Variants in SNRK observed in about 807,000 individuals in gnomAD.
SNRK encodes the protein SNF-related serine/threonine-protein kinase.
Under a neutral mutation model 48.2 loss-of-function variants are expected in SNRK, and 3 were observed. The ratio of observed to expected loss-of-function variants is 0.06; its 90% CI spans 0.03 to 0.16. SNRK has a LOEUF of 0.16. Ranked by LOEUF, SNRK falls within the 10% of genes least tolerant of loss-of-function variation. The probability of loss-of-function intolerance (pLI) is 1.00; values close to 1 mark genes in which losing one functional copy is unlikely to be tolerated. For missense variants in SNRK, 627 were observed against 976.0 expected, an observed-to-expected ratio of 0.64 and a Z score of 4.76; for synonymous variants, 376 against 366.1, an observed-to-expected ratio of 1.03 and a Z score of -0.31.
intron 6 of SNRK, among the ~76,000 whole-genome samples, chr3:43,345,102 A>G (rs2091265469): frequency 6.6e-6 from 1 of 152,228 alleles, no homozygotes; most frequent in African/African-American, 2.4e-5. Flanking sequence ...AAAAATTAAA[A>G]ATAAAAAAAA....
rs2090883937 is a variant in SNRK, at chr3:43,299,643, T to C, written c.-168-111T>C. 2.0e-5 allele frequency: 3 copies of C among 152,676 alleles called. No homozygotes were observed. In the South Asian group the frequency reaches 6.2e-4, roughly 32 times the overall value. 9.5% of individuals were successfully genotyped at this position (152,676 alleles called of 1,614,324 possible). ...AGACTGGGTTACTAAAGACAAATTTTACTATTTTTATACATGTGTCTAGAT... is the reference window on the plus strand; with the variant it reads ...AGACTGGGTTACTAAAGACAAATTTCACTATTTTTATACATGTGTCTAGAT... On this transcript the variant is annotated intron_variant, in intron 1 of 6. Transcript: ENST00000296088.
In SNRK at chr3:43,347,416, C is replaced by T. The variant is rs774616197; in HGVS notation, c.1157C>T (p.Thr386Ile). ...DLTATPLSHA[T>I]VPQSPARAAD... ...ACGGCCACTCCTTTGTCCCACGCGACTGTCCCTCAGTCTCCTGCTCGGGCT... is the reference window on the plus strand; with the variant it reads ...ACGGCCACTCCTTTGTCCCACGCGATTGTCCCTCAGTCTCCTGCTCGGGCT... The change falls in exon 7 of 7, where the codon ACT (threonine) becomes ATT (isoleucine). Residue 386 changes from threonine (T) to isoleucine (I), a missense_variant. Transcript: ENST00000296088. The surrounding 1 kb of genome is among the most constrained non-coding windows in gnomAD (Gnocchi z 5.4). 2.2e-5 allele frequency: 35 copies of T among 1,613,778 alleles called. No homozygotes were observed. Among genetic ancestry groups the T allele is most frequent in the Non-Finnish European group, 2.7e-5 (32 of 1,179,900 alleles).
chr3:43,306,480 G>A (rs2090939024), intron 3 of SNRK, among the ~76,000 whole-genome samples: 1 of 152,036 alleles, frequency 6.6e-6, no homozygotes, highest in Non-Finnish European at 1.5e-5. Context: ...ATTTTCAAAA[G>A]ATCAGATTTG....
Position 43,303,599 on chromosome 3 carries a change from A to T in SNRK, c.396A>T (p.Lys132Asn). Residue 132 changes from lysine to asparagine, a missense_variant, in exon 3 of 7, where the codon AAA becomes AAT. Transcript: ENST00000296088. The surrounding 1 kb of genome is among the most constrained non-coding windows in gnomAD (Gnocchi z 6.2). ...TTCATGCTATATCTTATTGCCATAA[A>T]CTCCATGTGGTTCACAGAGACTTAA... is the stretch of plus-strand genomic sequence containing the variant. ...QIVHAISYCH[K>N]LHVVHRDLKP... 1.2e-6 allele frequency: 2 copies of T among 1,614,108 alleles called. No homozygotes were observed. Among genetic ancestry groups the T allele is most frequent in the Non-Finnish European group, 1.7e-6 (2 of 1,180,002 alleles).
intron 3 of SNRK, among the ~76,000 whole-genome samples, chr3:43,310,364 T>G (rs2090970674): frequency 6.6e-6 from 1 of 152,200 alleles, no homozygotes; most frequent in African/African-American, 2.4e-5. Context: ...GCGTCCACCT[T>G]TAATGTCTAG....
intron 3 of SNRK, among the ~76,000 whole-genome samples, chr3:43,331,697 C>T (rs756630103): frequency 1.3e-4 from 20 of 152,028 alleles, no homozygotes; most frequent in Non-Finnish European, 2.2e-4. Flanking sequence ...AATTTTCTTG[C>T]GTATAAAATG....
intron 6 of SNRK, among the ~76,000 whole-genome samples, chr3:43,344,577 C>T (rs2091261467): frequency 6.6e-6 from 1 of 152,066 alleles, no homozygotes; most frequent in African/African-American, 2.4e-5. Context: ...AAAACATTCC[C>T]AGCTTGCCAA....
At chr3:43,316,846 C>G (rs944750448) in intron 3 of SNRK, among the ~76,000 whole-genome samples, 7 of 152,030 alleles carry the variant, frequency 4.6e-5, no homozygotes, top group African/African-American at 1.7e-4. Flanking sequence ...ACCTTCCTGC[C>G]TGCTTCCTTT....
chr3:43,331,496 CTGG>C (rs2091145945), intron 3 of SNRK, among the ~76,000 whole-genome samples: 4 of 152,160 alleles, frequency 2.6e-5, no homozygotes, highest in Non-Finnish European at 5.9e-5. Flanking sequence ...CCTGCCTTTG[CTGG>C]AATACTTTTA....
intron 1 of SNRK, among the ~76,000 whole-genome samples, chr3:43,297,166 G>C (rs372780528): frequency 1.3e-5 from 2 of 152,126 alleles, no homozygotes; most frequent in African/African-American, 4.8e-5. Context: ...ATGGGAAAAT[G>C]TTCAGTTTAT....
intron 4 of SNRK, among the ~76,000 whole-genome samples, chr3:43,334,849 C>T (rs1027085871): frequency 2.8e-4 from 43 of 152,302 alleles, no homozygotes; most frequent in African/African-American, 1.0e-3. Flanking sequence ...GCCTCGGCCT[C>T]CCAAAGTGCT....
At chr3:43,319,692 G>GT (rs764240870) in intron 3 of SNRK, among the ~76,000 whole-genome samples, 2 of 152,256 alleles carry the variant, frequency 1.3e-5, no homozygotes, top group Admixed American at 6.5e-5. Context: ...CCTGGCAAAC[G>GT]TAACAAGCTC....
intron 3 of SNRK, among the ~76,000 whole-genome samples, chr3:43,325,346 T>A (rs1000295670): frequency 6.6e-6 from 1 of 152,184 alleles, no homozygotes; most frequent in African/African-American, 2.4e-5. Context: ...TTTGTATTTT[T>A]AGTAGAGACA....
chr3:43,338,027 G>A (rs913483461), intron 4 of SNRK, among the ~76,000 whole-genome samples: 1 of 152,134 alleles, frequency 6.6e-6, no homozygotes, highest in Admixed American at 6.5e-5. Flanking sequence ...TGCGATGACG[G>A]GTATGAGCCA....
At chr3:43,294,546 C>G (rs964110997) in intron 1 of SNRK, among the ~76,000 whole-genome samples, 5 of 152,064 alleles carry the variant, frequency 3.3e-5, no homozygotes, top group Non-Finnish European at 5.9e-5. Context: ...GATTTTGGAG[C>G]ATTTTGGATT....
At chr3:43,292,535 G>A (rs910326419) in intron 1 of SNRK, among the ~76,000 whole-genome samples, 2 of 152,132 alleles carry the variant, frequency 1.3e-5, no homozygotes, top group African/African-American at 4.8e-5. Context: ...TGAGCCAGTA[G>A]GTATTCTTCA....
intron 3 of SNRK, among the ~76,000 whole-genome samples, chr3:43,323,524 A>T (rs2091071383): frequency 6.6e-6 from 1 of 152,254 alleles, no homozygotes; most frequent in African/African-American, 2.4e-5. Context: ...GTAAAATCGT[A>T]TAACCAGTTA....
Position 43,340,273 on chromosome 3 carries a change from A to G in SNRK, c.732-14A>G. On this transcript the variant is annotated splice_polypyrimidine_tract_variant and intron_variant, in intron 4 of 6. Coordinates refer to ENST00000296088, the MANE Select transcript of SNRK (RefSeq NM_017719.5). ...AGCAGTTTGCTTTAACAATGGACTT[A>G]CCTTCCTTTCCAGCCTAATCACACG... The G allele has an allele frequency of 1.2e-6, 2 of 1,608,792 alleles. No homozygotes were observed. The highest frequency in any genetic ancestry group is 1.7e-6 in the Non-Finnish European group (2 of 1,175,352).
chr3:43,303,921 T>G lies in SNRK; in HGVS notation c.589+129T>G. ...TTGGCCTTAACTAGCAAATTGGGTT[T>G]CATAAATGCCATATATGCCTAAAGC... On this transcript the variant is annotated intron_variant, in intron 3 of 6. Transcript: ENST00000296088. The surrounding 1 kb of genome is among the most constrained non-coding windows in gnomAD (Gnocchi z 6.2). 4.5e-6 allele frequency: 3 copies of G among 665,216 alleles called. No individual in the cohort carries two copies. The South Asian group carries it at 6.1e-5, about 14-fold the overall frequency. The allele number at this position is 665,216 out of a possible 1,614,324, so 41.2% of individuals were successfully genotyped here.
Sources: allele counts gnomAD v4.1 joint callset (sites outside exome capture counted in the v4.1 genomes callset), GRCh38; gene constraint gnomAD v4.1.1; non-coding constraint Gnocchi (gnomAD v3.1); transcripts MANE v1.5; gene names NCBI Gene and HGNC (gene_info 2026-07-23, HGNC 2026-07-21).